The following PKNOX2 variants were observed in gnomAD, a reference collection of about 807,000 sequenced individuals.
PKNOX2 encodes homeobox protein PKNOX2.
Under a neutral mutation model 53.1 loss-of-function variants are expected in PKNOX2, and 14 were observed. That is an observed-to-expected ratio of 0.26 (90% confidence interval 0.17 to 0.41). The LOEUF (loss-of-function observed/expected upper bound fraction) is 0.41, where lower values mean the gene tolerates loss of function less well. Ranked by LOEUF, PKNOX2 falls within the 10% of genes least tolerant of loss-of-function variation. PKNOX2 has a pLI of 1.00. For missense variants in PKNOX2, 496 were observed against 602.8 expected, an observed-to-expected ratio of 0.82 and a Z score of 1.85; for synonymous variants, 257 against 242.8, an observed-to-expected ratio of 1.06 and a Z score of -0.54.
chr11:125,213,090 T>A (rs1940065512), intron 1 of PKNOX2, among the ~76,000 whole-genome samples: 1 of 152,122 alleles, frequency 6.6e-6, no homozygotes, highest in Admixed American at 6.5e-5. Flanking sequence ...CCACAGGCAC[T>A]CCTCTGAGAT....
At chr11:125,248,906 G>T (rs916685710) in intron 2 of PKNOX2, among the ~76,000 whole-genome samples, 3 of 126,256 alleles carry the variant, frequency 2.4e-5, no homozygotes, top group South Asian at 5.0e-4. Context: ...TATATATAAC[G>T]TATATATATA....
chr11:125,330,980 G>A (rs931689431), intron 2 of PKNOX2, among the ~76,000 whole-genome samples: 5 of 152,128 alleles, frequency 3.3e-5, no homozygotes, highest in Non-Finnish European at 1.5e-5. Context: ...ATGCTGCTCT[G>A]AAAGTGCCGC....
chr11:125,333,758 G>A (rs767036278), intron 3 of PKNOX2, among the ~76,000 whole-genome samples: 13 of 152,036 alleles, frequency 8.6e-5, no homozygotes, highest in African/African-American at 2.2e-4. Flanking sequence ...TAGCTCTCTC[G>A]CTCTCTTTTT....
chr11:125,173,106 T>C (rs1383700045), intron 1 of PKNOX2, among the ~76,000 whole-genome samples: 1 of 152,214 alleles, frequency 6.6e-6, no homozygotes, highest in Admixed American at 6.5e-5. Context: ...CTCCGTTTTC[T>C]TGGCTTTATA....
chr11:125,283,868 T>C (rs745402938), intron 2 of PKNOX2, among the ~76,000 whole-genome samples: 12 of 152,170 alleles, frequency 7.9e-5, no homozygotes, highest in Non-Finnish European at 1.5e-4. Context: ...TCAAGTATTA[T>C]AATACTATTC....
chr11:125,357,969 G>T (rs943318595), intron 4 of PKNOX2, among the ~76,000 whole-genome samples: 1 of 152,128 alleles, frequency 6.6e-6, no homozygotes, highest in Admixed American at 6.5e-5. Flanking sequence ...AATCAACAGA[G>T]TTCCTGTCCT....
chr11:125,357,880 T>G (rs1261528590), intron 4 of PKNOX2, among the ~76,000 whole-genome samples: 1 of 152,218 alleles, frequency 6.6e-6, no homozygotes, highest in Non-Finnish European at 1.5e-5. Flanking sequence ...AGCTATTTCT[T>G]TCATCCACTT....
intron 2 of PKNOX2, among the ~76,000 whole-genome samples, chr11:125,262,099 G>A (rs148247507): frequency 3.6e-4 from 55 of 152,294 alleles, no homozygotes; most frequent in Non-Finnish European, 6.8e-4. Flanking sequence ...AGCCGTGATG[G>A]GGCACTGGAG....
intron 1 of PKNOX2, among the ~76,000 whole-genome samples, chr11:125,227,273 A>G (rs1941781561): frequency 6.6e-6 from 1 of 152,112 alleles, no homozygotes; most frequent in African/African-American, 2.4e-5. Context: ...GATGACATTA[A>G]GTATATTCGC....
intron 2 of PKNOX2, among the ~76,000 whole-genome samples, chr11:125,281,972 G>A (rs1445840501): frequency 6.6e-6 from 1 of 152,186 alleles, no homozygotes; most frequent in Non-Finnish European, 1.5e-5. Flanking sequence ...TGACATTCGA[G>A]TTACTCAAAT....
At chr11:125,248,217 G>T (rs1165311895) in intron 2 of PKNOX2, among the ~76,000 whole-genome samples, 1 of 152,152 alleles carries the variant, frequency 6.6e-6, no homozygotes, top group Non-Finnish European at 1.5e-5. Context: ...CTCATCCACT[G>T]CTTGGAGTTT....
chr11:125,396,206 G>A (rs539240174), intron 6 of PKNOX2, among the ~76,000 whole-genome samples: 59 of 152,144 alleles, frequency 3.9e-4, no homozygotes, highest in South Asian at 1.0e-3. Context: ...CTCCTGCCTC[G>A]ATGTCCCAAA....
At chr11:125,337,935 C>T (rs887255637) in intron 3 of PKNOX2, among the ~76,000 whole-genome samples, 1 of 152,192 alleles carries the variant, frequency 6.6e-6, no homozygotes, top group Non-Finnish European at 1.5e-5. Flanking sequence ...ACCCTTCCAC[C>T]TCTGTTGGTT....
intron 3 of PKNOX2, among the ~76,000 whole-genome samples, chr11:125,335,894 C>T (rs1057214816): frequency 2.0e-5 from 3 of 152,110 alleles, no homozygotes; most frequent in African/African-American, 4.8e-5. Flanking sequence ...CCAGATGGCC[C>T]AGGGCAGAGG....
At chr11:125,288,375 G>A (rs1947054420) in intron 2 of PKNOX2, among the ~76,000 whole-genome samples, 1 of 152,174 alleles carries the variant, frequency 6.6e-6, no homozygotes, top group South Asian at 2.1e-4. Flanking sequence ...AAGCCTCCCA[G>A]ATGTTCTGAT....
At chr11:125,202,154 C>T (rs893761070) in intron 1 of PKNOX2, among the ~76,000 whole-genome samples, 26 of 152,182 alleles carry the variant, frequency 1.7e-4, no homozygotes, top group African/African-American at 5.3e-4. Context: ...GTTATAAATA[C>T]ATGTTTTTCT....
intron 2 of PKNOX2, among the ~76,000 whole-genome samples, chr11:125,254,099 C>A (rs1233825341): frequency 6.6e-6 from 1 of 152,132 alleles, no homozygotes; most frequent in East Asian, 1.9e-4. Context: ...AATGGAGATG[C>A]GAACCACTTG....
intron 2 of PKNOX2, among the ~76,000 whole-genome samples, chr11:125,244,449 C>A (rs1471930467): frequency 2.6e-5 from 4 of 152,204 alleles, no homozygotes; most frequent in African/African-American, 7.2e-5. Context: ...GGGTTGGCCC[C>A]AGCTGGCAAA....
intron 7 of PKNOX2, among the ~76,000 whole-genome samples, chr11:125,398,516 C>T (rs1240546059): frequency 2.0e-5 from 3 of 152,222 alleles, no homozygotes; most frequent in African/African-American, 7.2e-5. Flanking sequence ...GTGAAGCCAG[C>T]TTCCCATGGG....
Sources: gnomAD v4.1 joint callset for allele counts (sites outside exome capture counted in the v4.1 genomes callset) on GRCh38, gnomAD v4.1.1 for gene constraint, MANE v1.5 for transcripts, NCBI Gene and HGNC (gene_info 2026-07-23, HGNC 2026-07-21) for gene names.